The following LPA variants were observed in gnomAD, a reference collection of about 807,000 sequenced individuals.
LPA encodes the protein apolipoprotein(a).
Under a neutral mutation model 197.9 loss-of-function variants are expected in LPA, and 199 were observed. The observed-to-expected ratio is 1.01, with a 90% CI of 0.90 to 1.13. The LOEUF (loss-of-function observed/expected upper bound fraction) is 1.13, where lower values mean the gene tolerates loss of function less well. LPA is among the 50% of genes most tolerant of loss of function. The pLI, the probability that LPA is intolerant of heterozygous loss-of-function variation, is 0.00. For synonymous variants in LPA, 715 were observed against 639.5 expected, an observed-to-expected ratio of 1.12 and a Z score of -1.78; for missense variants, 1,853 against 1,785.8, an observed-to-expected ratio of 1.04 and a Z score of -0.68.
intron 19 of LPA, among the ~76,000 whole-genome samples, chr6:160,600,378 T>C (rs1047946229): frequency 2.6e-5 from 4 of 152,276 alleles, no homozygotes; most frequent in Admixed American, 2.6e-4. Flanking sequence ...AGCTAAGAAC[T>C]GCACAACCTG....
At chr6:160,656,740 C>T (rs1780139514) in intron 1 of LPA, among the ~76,000 whole-genome samples, 1 of 152,172 alleles carries the variant, frequency 6.6e-6, no homozygotes, top group Admixed American at 6.5e-5. Flanking sequence ...GATCCAGCCT[C>T]CCCTTCATTC....
chr6:160,657,127 C>G (rs1211308026), intron 1 of LPA, among the ~76,000 whole-genome samples: 1 of 152,166 alleles, frequency 6.6e-6, no homozygotes, highest in Non-Finnish European at 1.5e-5. Flanking sequence ...ACTGTTAGAT[C>G]TGACATACAG....
At chr6:160,578,493 T>C in intron 27 of LPA, 30 bp downstream of exon 27, 7 of 1,613,032 alleles carry the variant, frequency 4.3e-6, no homozygotes, top group Non-Finnish European at 5.9e-6. Context: ...TTCATCCCAG[T>C]ATATAGATGT....
At chr6:160,576,390 G>GTA (rs140486548) in intron 28 of LPA, among the ~76,000 whole-genome samples, 448 of 46,032 alleles carry the variant, frequency 9.7e-3, no homozygotes, top group African/African-American at 0.012. Flanking sequence ...ATATATATAT[G>GTA]TATATATATA....
At chr6:160,545,079 G>A (rs1450069924) in intron 33 of LPA, among the ~76,000 whole-genome samples, 1 of 152,012 alleles carries the variant, frequency 6.6e-6, no homozygotes, top group East Asian at 1.9e-4. Flanking sequence ...CTGCAGAAGA[G>A]GACAGTTTTT....
chr6:160,657,590 G>C (rs1375751030), intron 1 of LPA, among the ~76,000 whole-genome samples: 2 of 151,828 alleles, frequency 1.3e-5, no homozygotes. Flanking sequence ...GCAGAGATGG[G>C]GTTTCACCAT....
intron 30 of LPA, among the ~76,000 whole-genome samples, chr6:160,552,708 T>C (rs1778185686): frequency 6.6e-6 from 1 of 152,236 alleles, no homozygotes; most frequent in Admixed American, 6.5e-5. Flanking sequence ...TTTCATATTT[T>C]GGTGTTTAAA....
intron 31 of LPA, 29 bp from the exon 32 acceptor site, chr6:160,547,966 T>C (rs772576099): frequency 6.2e-7 from 1 of 1,612,688 alleles, no homozygotes; most frequent in Admixed American, 1.7e-5. Context: ...ATAAAACAGA[T>C]GATTACAGAC....
chr6:160,575,273 T>G (rs1422705516), intron 28 of LPA, among the ~76,000 whole-genome samples: 1 of 152,198 alleles, frequency 6.6e-6, no homozygotes, highest in African/African-American at 2.4e-5. Flanking sequence ...TCTTCTCTTG[T>G]GATATCTGAT....
Position 160,664,216 on chromosome 6 carries a change from T to C in LPA, c.-2A>G, listed in dbSNP as rs767636813. On this transcript the variant is annotated 5_prime_UTR_variant, in exon 1 of 39. Transcript: ENST00000316300. Reference sequence around the variant, plus strand: ...AAGAACCACTTCCTTATGTTCCATTTTGGGACTGGCCAGCAGTGCCCAGAA... The same window carrying C: ...AAGAACCACTTCCTTATGTTCCATTCTGGGACTGGCCAGCAGTGCCCAGAA... The C allele has an allele frequency of 1.2e-6, 2 of 1,606,608 alleles. No individual in the cohort carries two copies. The highest frequency in any genetic ancestry group is 1.1e-5 in the South Asian group (1 of 90,342).
At chr6:160,581,993 T>A (rs1051767887) in intron 26 of LPA, among the ~76,000 whole-genome samples, 3 of 152,164 alleles carry the variant, frequency 2.0e-5, no homozygotes, top group African/African-American at 4.8e-5. Context: ...TATGGTATTA[T>A]TTTTCTTCTA....
At position 160,605,142 on chromosome 6, in the gene LPA, C is replaced by A; in HGVS notation, c.2849G>T (p.Gly950Val). The A allele has an allele frequency of 6.2e-7, 1 of 1,613,966 alleles. No individual in the cohort carries two copies. Among genetic ancestry groups the A allele is most frequent in the Non-Finnish European group, 8.5e-7 (1 of 1,179,870 alleles). The change falls in exon 18 of 39, where the codon GGC becomes GTC. Residue 950 changes from glycine (G) to valine (V), a missense_variant. By Grantham distance (109) the Gly-to-Val change is moderately radical (BLOSUM62 -3). Around this residue, in one of 3 missense-constraint regions of LPA, gnomAD observed 1,737 missense variants for 1,504.4 expected, o/e 1.15. Transcript: ENST00000316300. Reference sequence around the variant, plus strand: ...TCCTGTGACAGTAATGAAGTATGTGCCTTGATAACTCTGTCCATTTCCGTG... The same window carrying A: ...TCCTGTGACAGTAATGAAGTATGTGACTTGATAACTCTGTCCATTTCCGTG... Reference protein sequence around the residue: ...CYHGNGQSYQGTYFITVTGRT... With the variant: ...CYHGNGQSYQVTYFITVTGRT...
chr6:160,545,500 G>A lies in LPA; in HGVS notation c.5338C>T (p.Pro1780Ser). Residue 1780 changes from proline (P) to serine (S), a missense_variant, in exon 33 of 39, where the codon CCC (proline) becomes TCC (serine). Pro to Ser is a moderately conservative substitution (Grantham distance 74). Coordinates refer to ENST00000316300, the MANE Select transcript of LPA (RefSeq NM_005577.4). ...CTTGGATTCATTGTGTAGCACCAGG[G>A]ACCATTGATGTCACCATCAGGGTTA... ...CRNPDGDINGPWCYTMNPRKL... is the reference protein window; with the variant it reads ...CRNPDGDINGSWCYTMNPRKL... 1 of 1,613,288 alleles carries A rather than the reference G, an allele frequency of 6.2e-7. No homozygotes were observed. The highest frequency in any genetic ancestry group is 2.2e-5 in the East Asian group (1 of 44,856).
At chr6:160,554,322 C>T (rs1009291553) in intron 30 of LPA, among the ~76,000 whole-genome samples, 2 of 152,074 alleles carry the variant, frequency 1.3e-5, no homozygotes, top group African/African-American at 4.8e-5. Flanking sequence ...TTTCCTGCCT[C>T]ATAAATTTTT....
At chr6:160,572,766 A>G (rs1345787468) in intron 28 of LPA, among the ~76,000 whole-genome samples, 1 of 152,210 alleles carries the variant, frequency 6.6e-6, no homozygotes, top group Non-Finnish European at 1.5e-5. Context: ...GTTCCTGCTG[A>G]AAAACTGGCT....
At chr6:160,656,305 C>A (rs1780131732) in intron 1 of LPA, among the ~76,000 whole-genome samples, 1 of 152,154 alleles carries the variant, frequency 6.6e-6, no homozygotes, top group Non-Finnish European at 1.5e-5. Flanking sequence ...GCTCTAATGG[C>A]TTCTGTTTGG....
chr6:160,593,440 T>C (rs1393273306), intron 22 of LPA, among the ~76,000 whole-genome samples: 1 of 152,224 alleles, frequency 6.6e-6, no homozygotes, highest in African/African-American at 2.4e-5. Context: ...GCTGCCTTCC[T>C]ACTTTTGCCC....
chr6:160,558,002 G>T (rs112191363), intron 28 of LPA, among the ~76,000 whole-genome samples: 1 of 151,676 alleles, frequency 6.6e-6, no homozygotes, highest in African/African-American at 2.4e-5. Flanking sequence ...TCACTGCAAG[G>T]TCTGCCTCCT....
chr6:160,554,986 A>T (rs989118083), intron 30 of LPA, among the ~76,000 whole-genome samples: 7 of 151,994 alleles, frequency 4.6e-5, no homozygotes, highest in Non-Finnish European at 8.8e-5. Flanking sequence ...AAATTATCTC[A>T]GTCCTGTACT....
Sources: allele counts gnomAD v4.1 joint callset (sites outside exome capture counted in the v4.1 genomes callset), GRCh38; gene constraint gnomAD v4.1.1; regional missense constraint gnomAD v4.1.1; transcripts MANE v1.5; gene names NCBI Gene and HGNC (gene_info 2026-07-23, HGNC 2026-07-21).